PCDH10: variants seen among roughly 807,000 people sequenced by gnomAD.
The protein encoded by PCDH10 is protocadherin-10.
In PCDH10, 15 loss-of-function variants were observed where a neutral mutation model predicts 74.4. The observed-to-expected ratio is 0.20, with a 90% CI of 0.13 to 0.31. The LOEUF is 0.31. Ranked by LOEUF, PCDH10 falls within the 10% of genes least tolerant of loss-of-function variation. PCDH10 has a pLI of 1.00. For missense variants in PCDH10, 1,260 were observed against 1,390.2 expected, an observed-to-expected ratio of 0.91 and a Z score of 1.49; for synonymous variants, 619 against 589.8, an observed-to-expected ratio of 1.05 and a Z score of -0.72.
intron 2 of PCDH10, among the ~76,000 whole-genome samples, chr4:133,203,035 CTG>C (rs1340990407): frequency 6.6e-6 from 1 of 152,094 alleles, no homozygotes; most frequent in East Asian, 1.9e-4. Flanking sequence ...TTATGGAATG[CTG>C]ATTTCATGAC....
chr4:133,172,299 T>A (rs1727218824), intron 4 of PCDH10, among the ~76,000 whole-genome samples: 1 of 152,064 alleles, frequency 6.6e-6, no homozygotes, highest in Admixed American at 6.6e-5. Flanking sequence ...ATAATTTTTT[T>A]ACTATCATTG....
intron 2 of PCDH10, among the ~76,000 whole-genome samples, chr4:133,207,431 G>A (rs1728031698): frequency 6.6e-6 from 1 of 152,148 alleles, no homozygotes; most frequent in Non-Finnish European, 1.5e-5. Flanking sequence ...ATTGACACCT[G>A]AGTGTTAATG....
At chr4:133,184,162 A>G (rs1727478508) in intron 4 of PCDH10, among the ~76,000 whole-genome samples, 1 of 152,098 alleles carries the variant, frequency 6.6e-6, no homozygotes, top group Non-Finnish European at 1.5e-5. Flanking sequence ...GTTTACATAT[A>G]GTACATATTA....
Position 133,152,218 on chromosome 4 carries a change from G to C in PCDH10, c.2078G>C (p.Gly693Ala). The C allele has an allele frequency of 6.3e-7, 1 of 1,592,630 alleles. No individual in the cohort carries two copies. The highest frequency in any genetic ancestry group is 8.6e-7 in the Non-Finnish European group (1 of 1,168,820). ...VEPQGGGGSG[G>A]GGSGEHQRPS... Reference sequence around the variant, plus strand: ...CCCCAGGGCGGGGGCGGGAGCGGAGGCGGAGGGTCAGGAGAGCACCAGCGC... The same window carrying C: ...CCCCAGGGCGGGGGCGGGAGCGGAGCCGGAGGGTCAGGAGAGCACCAGCGC... The change falls in exon 1 of 5, where the codon GGC (glycine) becomes GCC (alanine). Residue 693 changes from glycine (G) to alanine (A), a missense_variant. By Grantham distance (60) the Gly-to-Ala change is moderately conservative. Transcript: ENST00000264360.
At chr4:133,162,377 AT>A (rs908744480) in intron 3 of PCDH10, among the ~76,000 whole-genome samples, 4 of 152,158 alleles carry the variant, frequency 2.6e-5, no homozygotes, top group African/African-American at 9.7e-5. Context: ...CTCGGAAAAT[AT>A]GCTTTTAGCT....
chr4:133,187,557 T>C (rs1727569351), intron 4 of PCDH10, among the ~76,000 whole-genome samples: 1 of 152,064 alleles, frequency 6.6e-6, no homozygotes, highest in African/African-American at 2.4e-5. Flanking sequence ...TAAGTTCAGA[T>C]CTTATATTTG....
Position 133,150,152 on chromosome 4 carries a change from A to G in PCDH10, c.12A>G (p.Leu4=), listed in dbSNP as rs764713429. The G allele has an allele frequency of 2.1e-5, 32 of 1,547,418 alleles. No homozygotes were observed. Among genetic ancestry groups the G allele is most frequent in the African/African-American group, 2.8e-5 (2 of 72,628 alleles). ...CTTTCCTTTTGGAGATGATTGTGCTATTATTGTTTGCCTTGCTCTGGATGG... is the reference window on the plus strand; with the variant it reads ...CTTTCCTTTTGGAGATGATTGTGCTGTTATTGTTTGCCTTGCTCTGGATGG... MIV[L]LLFALLWMVE... The change falls in exon 1 of 5, where the codon CTA becomes CTG. Residue 4 remains leucine (L), a synonymous_variant. Transcript: ENST00000264360.
chr4:133,186,410 C>T (rs1213794406), intron 4 of PCDH10, among the ~76,000 whole-genome samples: 1 of 152,070 alleles, frequency 6.6e-6, no homozygotes, highest in African/African-American at 2.4e-5. Flanking sequence ...TCCCTACATG[C>T]TGATGCATCA....
rs267600021 is a variant in PCDH10 at position 133,150,406 on chromosome 4, C to T, written c.266C>T (p.Pro89Leu). Residue 89 changes from proline (P) to leucine (L), a missense_variant, in exon 1 of 5, where the codon CCC becomes CTC. Around this residue, in one of 11 missense-constraint regions of PCDH10, gnomAD observed 63 missense variants for 100.7 expected, o/e 0.63. Transcript: ENST00000264360. ...CGCGAACAAATCTGCAAACAGAGCC[C>T]CTCCTGTGTCCTGCACCTGGAGGTC... ...IDREQICKQS[P>L]SCVLHLEVFL... 2.4e-5 allele frequency: 38 copies of T among 1,613,868 alleles called. No individual in the cohort carries two copies. In the African/African-American group the frequency reaches 4.9e-4, roughly 21 times the overall value.
intron 1 of PCDH10, chr4:133,153,212 G>A (rs1265393093): frequency 9.5e-7 from 1 of 1,057,416 alleles, no homozygotes; most frequent in Non-Finnish European, 1.2e-6. Context: ...GATGCTTTTA[G>A]TCGCGTGTAC....
At chr4:133,153,297 A>T in intron 1 of PCDH10, 1 of 1,003,418 alleles carries the variant, frequency 1.0e-6, no homozygotes. Context: ...AAGTTACCAG[A>T]TCCTTCTCCT....
downstream of PCDH10, among the ~76,000 whole-genome samples, chr4:133,197,773 A>G (rs1486691812): frequency 6.6e-6 from 1 of 152,116 alleles, no homozygotes; most frequent in Non-Finnish European, 1.5e-5. Flanking sequence ...TTTTCTCCCT[A>G]TCATTGTGAA....
chr4:133,203,953 G>C (rs1378927808), intron 2 of PCDH10, among the ~76,000 whole-genome samples: 1 of 152,164 alleles, frequency 6.6e-6, no homozygotes, highest in Non-Finnish European at 1.5e-5. Context: ...GCAACACTAA[G>C]AAAAGCCTAA....
At chr4:133,168,930 C>T (rs919612352) in intron 4 of PCDH10, among the ~76,000 whole-genome samples, 1 of 151,618 alleles carries the variant, frequency 6.6e-6, no homozygotes, top group African/African-American at 2.4e-5. Context: ...CAGATTTTTA[C>T]ATAGGGAAGT....
In PCDH10 at chr4:133,191,569, T is replaced by C. The variant is rs1727669469; in HGVS notation, c.*1409T>C. The C allele has an allele frequency of 6.6e-6, 1 of 152,150 alleles. No individual in the cohort carries two copies. The highest frequency in any genetic ancestry group is 6.6e-5 in the Admixed American group (1 of 15,190). 9.4% of individuals were successfully genotyped at this position (152,150 alleles called of 1,614,324 possible). ...CAACAATATTAATTATTAAATTTAG[T>C]AAGACGCACTTTCCTTTCTTTTATA... On this transcript the variant is annotated 3_prime_UTR_variant, in exon 5 of 5. Transcript: ENST00000264360.
chr4:133,194,906 G>C (rs2125875599), downstream of PCDH10, among the ~76,000 whole-genome samples: 1 of 151,970 alleles, frequency 6.6e-6, no homozygotes, highest in African/African-American at 2.4e-5. Context: ...ACCTAATGCT[G>C]TATTTACTTT....
At position 133,163,195 on chromosome 4, in the gene PCDH10, G is replaced by C. The variant is rs1578563836; in HGVS notation, c.3016G>C (p.Glu1006Gln). Residue 1006 changes from glutamate to glutamine, a missense_variant, in exon 4 of 5, where the codon GAG becomes CAG. This residue lies in a region of PCDH10 where 136 missense variants were observed against 149.3 expected (regional missense o/e 0.91). Coordinates refer to ENST00000264360, the MANE Select transcript of PCDH10 (RefSeq NM_032961.3). ...AERSFSTFGK[E>Q]KALHSTLERK... ...GCGGTCCTTTTCCACCTTTGGCAAAGAGAAGGCCCTTCACAGCACTCTGGA... is the reference window on the plus strand; with the variant it reads ...GCGGTCCTTTTCCACCTTTGGCAAACAGAAGGCCCTTCACAGCACTCTGGA... 6.8e-6 allele frequency: 11 copies of C among 1,614,184 alleles called. No individual in the cohort carries two copies. In the East Asian group the frequency reaches 2.5e-4, roughly 36 times the overall value.
chr4:133,160,761 A>G (rs1023496312), intron 3 of PCDH10, among the ~76,000 whole-genome samples: 6 of 151,830 alleles, frequency 4.0e-5, no homozygotes, highest in Non-Finnish European at 7.4e-5. Context: ...GTCGTCGTGA[A>G]GAAAAATGAT....
chr4:133,193,527 C>A lies in PCDH10; in HGVS notation c.*3367C>A, dbSNP rs1727723973. On this transcript the variant is annotated 3_prime_UTR_variant, in exon 5 of 5. Coordinates refer to ENST00000264360, the MANE Select transcript of PCDH10 (RefSeq NM_032961.3). ...CAATTCCCAATATAATCTTTAACAA[C>A]TGTACGTTAATTGTACCATTTTACC... 6.6e-6 allele frequency: 1 copy of A among 151,668 alleles called. No homozygotes were observed. Among genetic ancestry groups the A allele is most frequent in the Admixed American group, 6.6e-5 (1 of 15,196 alleles). The allele number at this position is 151,668 out of a possible 1,614,324, so 9.4% of individuals were successfully genotyped here. A position where few individuals can be genotyped will look rare whatever the true frequency, so the allele number is the denominator to read the frequency against.
Sources: gnomAD v4.1 joint callset for allele counts (sites outside exome capture counted in the v4.1 genomes callset) on GRCh38, gnomAD v4.1.1 for gene constraint, gnomAD v4.1.1 regional missense constraint, MANE v1.5 for transcripts, NCBI Gene and HGNC (gene_info 2026-07-23, HGNC 2026-07-21) for gene names.